LARGE1: variants seen among roughly 807,000 people sequenced by gnomAD.
LARGE1 encodes the protein xylosyl- and glucuronyltransferase LARGE1.
A neutral mutation model predicts 87.6 loss-of-function variants in LARGE1; 43 were observed. The observed-to-expected ratio is 0.49, with a 90% CI of 0.38 to 0.63. The LOEUF is 0.63. Among genes scored for constraint, LARGE1 ranks in the 30% least tolerant of loss-of-function variants. LARGE1 has a pLI of 0.00. For synonymous variants in LARGE1, 434 were observed against 394.6 expected, an observed-to-expected ratio of 1.10 and a Z score of -1.18; for missense variants, 802 against 1,000.2, an observed-to-expected ratio of 0.80 and a Z score of 2.67.
intron 6 of LARGE1, among the ~76,000 whole-genome samples, chr22:33,541,066 G>GGT (rs1491031278): frequency 1.0e-5 from 1 of 97,706 alleles, no homozygotes; most frequent in African/African-American, 3.9e-5. Flanking sequence ...GGGGGGGGGG[G>GGT]GCGGGGGGCG....
At chr22:33,175,877 G>A (rs377349757) in intron 11 of LARGE1, among the ~76,000 whole-genome samples, 3 of 152,262 alleles carry the variant, frequency 2.0e-5, no homozygotes, top group Admixed American at 1.3e-4. Context: ...CAAAGCTGGA[G>A]GCATCACACT....
At chr22:33,300,825 C>T (rs1444942683) in intron 12 of LARGE1, among the ~76,000 whole-genome samples, 2 of 152,150 alleles carry the variant, frequency 1.3e-5, no homozygotes, top group South Asian at 2.1e-4. Context: ...CACGCGTGAG[C>T]CACCGCGCCT....
In LARGE1 at chr22:33,550,583, C is replaced by T. The variant is rs537387982; in HGVS notation, c.787+14265G>A. On this transcript the variant is annotated intron_variant, in intron 6 of 14. Transcript: ENST00000397394. The stretch of plus-strand genomic sequence containing the variant: ...GACATTAGTGAGGATGTGGAGAAGA[C>T]GGAACTCTTATACACTGTTGGTGGG... Among the ~76,000 whole-genome samples, 22 of 152,110 alleles carry T rather than the reference C, an allele frequency of 1.4e-4. No individual in the cohort carries two copies. In the East Asian group the frequency reaches 3.7e-3, roughly 25 times the overall value.
chr22:33,791,735 G>C (rs2085830191), intron 1 of LARGE1, among the ~76,000 whole-genome samples: 1 of 152,168 alleles, frequency 6.6e-6, no homozygotes, highest in South Asian at 2.1e-4. Flanking sequence ...CCAAGCCAAA[G>C]GCTTACTACT....
At chr22:33,653,063 G>T (rs2080866295) in intron 2 of LARGE1, among the ~76,000 whole-genome samples, 1 of 152,134 alleles carries the variant, frequency 6.6e-6, no homozygotes. Flanking sequence ...AACTGAGAAT[G>T]AAAAAGAATA....
intron 6 of LARGE1, among the ~76,000 whole-genome samples, chr22:33,520,857 A>G (rs980219114): frequency 2.6e-5 from 4 of 152,244 alleles, no homozygotes; most frequent in African/African-American, 4.8e-5. Context: ...TCCTTAAGGC[A>G]TAACAAGCTT....
chr22:33,885,536 A>C (rs1198708652), intron 1 of LARGE1, among the ~76,000 whole-genome samples: 1 of 152,248 alleles, frequency 6.6e-6, no homozygotes, highest in Non-Finnish European at 1.5e-5. Context: ...TGATAGAGCA[A>C]TATGAAGCTT....
At chr22:33,319,092 C>T (rs138366224) in intron 10 of LARGE1, among the ~76,000 whole-genome samples, 2 of 152,274 alleles carry the variant, frequency 1.3e-5, no homozygotes, top group African/African-American at 2.4e-5. Context: ...TCTCTCTCCC[C>T]CACTCCCCGC....
intron 1 of LARGE1, among the ~76,000 whole-genome samples, chr22:33,818,298 G>A (rs1428962229): frequency 1.3e-5 from 2 of 152,162 alleles, no homozygotes; most frequent in African/African-American, 4.8e-5. Context: ...TTTGTTTGTA[G>A]TCTGTCGCTG....
At chr22:33,865,309 T>A (rs1354657863) in intron 1 of LARGE1, among the ~76,000 whole-genome samples, 1 of 152,238 alleles carries the variant, frequency 6.6e-6, no homozygotes, top group Non-Finnish European at 1.5e-5. Flanking sequence ...GGACCTTCTC[T>A]TCTTCTCACT....
intron 2 of LARGE1, among the ~76,000 whole-genome samples, chr22:33,758,176 T>A (rs2084589907): frequency 6.6e-6 from 1 of 152,170 alleles, no homozygotes; most frequent in Non-Finnish European, 1.5e-5. Context: ...ATCCCAATCT[T>A]TCTTTCAGGG....
chr22:33,590,178 G>A (rs113138378), intron 5 of LARGE1, among the ~76,000 whole-genome samples: 5 of 151,942 alleles, frequency 3.3e-5, no homozygotes, highest in Admixed American at 2.6e-4. Flanking sequence ...AAAATAACTC[G>A]GCTATTCTAT....
intron 1 of LARGE1, among the ~76,000 whole-genome samples, chr22:33,894,063 T>C (rs1229711882): frequency 3.3e-5 from 5 of 151,710 alleles, no homozygotes; most frequent in Non-Finnish European, 7.4e-5. Context: ...AAGGGTCAAC[T>C]CCCCTCCCCA....
intron 11 of LARGE1, among the ~76,000 whole-genome samples, chr22:33,193,037 GT>G (rs1228818902): frequency 1.3e-5 from 2 of 151,664 alleles, no homozygotes; most frequent in Non-Finnish European, 2.9e-5. Flanking sequence ...CATTTTATTT[GT>G]TTTTATTTTT....
At chr22:33,737,407 G>A (rs1268129992) in intron 2 of LARGE1, among the ~76,000 whole-genome samples, 1 of 152,164 alleles carries the variant, frequency 6.6e-6, no homozygotes, top group Non-Finnish European at 1.5e-5. Flanking sequence ...CACACGCTAA[G>A]TCCTGGCATT....
intron 6 of LARGE1, among the ~76,000 whole-genome samples, chr22:33,496,156 A>C (rs1284646256): frequency 6.6e-6 from 1 of 152,164 alleles, no homozygotes; most frequent in Non-Finnish European, 1.5e-5. Context: ...CCAGAAGACT[A>C]AACTAGTCTA....
intron 11 of LARGE1, among the ~76,000 whole-genome samples, chr22:33,197,904 G>A (rs112891503): frequency 0.047 from 4,837 of 103,328 alleles, 270 homozygotes; most frequent in African/African-American, 0.17. Flanking sequence ...TATGGAATTG[G>A]TATATAAACA....
chr22:33,380,691 T>C (rs1023176141), intron 9 of LARGE1, among the ~76,000 whole-genome samples: 3 of 152,224 alleles, frequency 2.0e-5, no homozygotes, highest in East Asian at 1.9e-4. Context: ...CATGGGGACA[T>C]GGATCAGAAG....
chr22:33,622,754 C>T (rs2079795619), intron 4 of LARGE1, among the ~76,000 whole-genome samples: 1 of 152,192 alleles, frequency 6.6e-6, no homozygotes, highest in Non-Finnish European at 1.5e-5. Flanking sequence ...AACCTAGTGC[C>T]ATGCCCACTG....
Sources: gnomAD v4.1 joint callset for allele counts (sites outside exome capture counted in the v4.1 genomes callset) on GRCh38, gnomAD v4.1.1 for gene constraint, MANE v1.5 for transcripts, NCBI Gene and HGNC (gene_info 2026-07-23, HGNC 2026-07-21) for gene names.